The following SH3RF3 variants were observed in gnomAD, a reference collection of about 807,000 sequenced individuals.
The protein encoded by SH3RF3 is SH3 domain containing ring finger 3, also known as E3 ubiquitin-protein ligase SH3RF3.
In SH3RF3, 29 loss-of-function variants were observed where a neutral mutation model predicts 66.3. The ratio of observed to expected loss-of-function variants is 0.44; its 90% CI spans 0.33 to 0.60. SH3RF3 has a LOEUF of 0.60. Among genes scored for constraint, SH3RF3 ranks in the 20% least tolerant of loss-of-function variants. The pLI is 0.04. For missense variants in SH3RF3, 1,194 were observed against 1,190.9 expected (o/e 1.00, Z -0.04); for synonymous variants, 583 against 532.0 (o/e 1.10, Z -1.32).
At chr2:109,296,747 C>T (rs755907945) in intron 1 of SH3RF3, among the ~76,000 whole-genome samples, 4 of 152,106 alleles carry the variant, frequency 2.6e-5, no homozygotes, top group Non-Finnish European at 2.9e-5. Context: ...GCAGAGGATT[C>T]GCGTGGCCTG....
intron 1 of SH3RF3, among the ~76,000 whole-genome samples, chr2:109,193,610 G>C (rs537894028): frequency 3.3e-5 from 5 of 152,214 alleles, no homozygotes; most frequent in African/African-American, 9.6e-5. Context: ...ATAGTATTCT[G>C]TTGTATGGAT....
chr2:109,456,053 G>A (rs1030402266), intron 8 of SH3RF3, among the ~76,000 whole-genome samples: 3 of 152,236 alleles, frequency 2.0e-5, no homozygotes, highest in African/African-American at 4.8e-5. Context: ...ATCAGGTGCA[G>A]CCACAGTCTG....
At chr2:109,362,943 T>G (rs1683078160) in intron 2 of SH3RF3, among the ~76,000 whole-genome samples, 1 of 152,204 alleles carries the variant, frequency 6.6e-6, no homozygotes, top group African/African-American at 2.4e-5. Flanking sequence ...GTTAATCTGC[T>G]TGTGTGTGTA....
chr2:109,230,138 T>C (rs1679470690), intron 1 of SH3RF3, among the ~76,000 whole-genome samples: 1 of 152,150 alleles, frequency 6.6e-6, no homozygotes, highest in Non-Finnish European at 1.5e-5. Context: ...TTTTTTTTCT[T>C]CTTAAGGCAG....
At chr2:109,430,594 G>A (rs1180263732) in intron 5 of SH3RF3, among the ~76,000 whole-genome samples, 1 of 151,578 alleles carries the variant, frequency 6.6e-6, no homozygotes, top group Non-Finnish European at 1.5e-5. Context: ...CTCCCCTCCA[G>A]CTTCCCTGCA....
intron 9 of SH3RF3, among the ~76,000 whole-genome samples, chr2:109,499,161 G>A (rs1248709396): frequency 2.0e-5 from 3 of 152,082 alleles, no homozygotes; most frequent in African/African-American, 7.3e-5. Flanking sequence ...ACCCACAGGA[G>A]ACCTGCACGG....
At chr2:109,173,648 A>C (rs1265355646) in intron 1 of SH3RF3, among the ~76,000 whole-genome samples, 2 of 152,088 alleles carry the variant, frequency 1.3e-5, no homozygotes, top group Non-Finnish European at 2.9e-5. Flanking sequence ...GCTGAGACTC[A>C]TTAGACAGTG....
At chr2:109,302,613 C>T (rs957637991) in intron 1 of SH3RF3, among the ~76,000 whole-genome samples, 4 of 152,186 alleles carry the variant, frequency 2.6e-5, no homozygotes, top group Non-Finnish European at 4.4e-5. Flanking sequence ...TTCACTGCTG[C>T]GTAGGGGATT....
At chr2:109,381,173 C>G (rs1036172090) in intron 3 of SH3RF3, among the ~76,000 whole-genome samples, 1 of 152,228 alleles carries the variant, frequency 6.6e-6, no homozygotes, top group Non-Finnish European at 1.5e-5. Context: ...CTACTCAGGA[C>G]TGGAAGTGTG....
intron 1 of SH3RF3, among the ~76,000 whole-genome samples, chr2:109,145,908 C>A (rs948487910): frequency 3.3e-5 from 5 of 152,164 alleles, no homozygotes; most frequent in Non-Finnish European, 5.9e-5. Context: ...GCGTGGAGCC[C>A]TGGAGCCCGA....
intron 1 of SH3RF3, among the ~76,000 whole-genome samples, chr2:109,277,457 G>C (rs545264685): frequency 6.6e-6 from 1 of 152,168 alleles, no homozygotes; most frequent in Non-Finnish European, 1.5e-5. Context: ...AGTATCTCCC[G>C]TGAAGAGTCC....
chr2:109,468,645 G>A (rs1490299985), intron 8 of SH3RF3, among the ~76,000 whole-genome samples: 1 of 151,972 alleles, frequency 6.6e-6, no homozygotes, highest in Admixed American at 6.6e-5. Flanking sequence ...TTTGAGGTCA[G>A]GAGTTTGAGA....
rs183167439 is a variant in SH3RF3, at chr2:109,374,438, A to G, written c.945+2757A>G. On this transcript the variant is annotated intron_variant, in intron 3 of 9. Coordinates refer to ENST00000309415, the MANE Select transcript of SH3RF3 (RefSeq NM_001099289.3). ...TGACTGCTTGCACGCCACACACCAC[A>G]TGGATCCTGGTGGATCGGAAAGTCC... is the stretch of plus-strand genomic sequence containing the variant. Among the ~76,000 whole-genome samples, 40 of 152,256 alleles carry G rather than the reference A, an allele frequency of 2.6e-4. 1 individual carries two copies. In the East Asian group the frequency reaches 5.8e-3, roughly 22 times the overall value.
At chr2:109,230,248 A>G (rs1436398453) in intron 1 of SH3RF3, among the ~76,000 whole-genome samples, 2 of 151,972 alleles carry the variant, frequency 1.3e-5, no homozygotes, top group African/African-American at 4.8e-5. Context: ...TTTTGACTTT[A>G]TGATGGTGCA....
chr2:109,339,274 GT>G (rs893072598), intron 1 of SH3RF3, among the ~76,000 whole-genome samples: 4 of 130,560 alleles, frequency 3.1e-5, no homozygotes, highest in Non-Finnish European at 6.5e-5. Flanking sequence ...AGGGTCAGCT[GT>G]TTTTTGGGGG....
intron 3 of SH3RF3, among the ~76,000 whole-genome samples, chr2:109,387,740 G>C (rs3860482): frequency 6.6e-6 from 1 of 152,012 alleles, no homozygotes; most frequent in Non-Finnish European, 1.5e-5. Context: ...TCCTTGTCTG[G>C]GTATCTGGGA....
intron 6 of SH3RF3, among the ~76,000 whole-genome samples, chr2:109,435,451 C>A (rs1254145919): frequency 6.6e-6 from 1 of 152,242 alleles, no homozygotes; most frequent in Non-Finnish European, 1.5e-5. Context: ...GATCCACCAC[C>A]TGTGTTTGCC....
chr2:109,447,147 TAAA>T (rs61240132), intron 7 of SH3RF3, among the ~76,000 whole-genome samples: 1,465 of 82,698 alleles, frequency 0.018, 27 homozygotes, highest in African/African-American at 0.052. Flanking sequence ...CCTGAATATT[TAAA>T]AAAAAAAAAA....
intron 1 of SH3RF3, among the ~76,000 whole-genome samples, chr2:109,284,903 G>A (rs565553624): frequency 8.5e-5 from 13 of 152,350 alleles, no homozygotes; most frequent in African/African-American, 2.9e-4. Context: ...TCCACACTGG[G>A]CTCGTCTGCT....
Sources: gnomAD v4.1 joint callset for allele counts (sites outside exome capture counted in the v4.1 genomes callset) on GRCh38, gnomAD v4.1.1 for gene constraint, MANE v1.5 for transcripts, NCBI Gene and HGNC (gene_info 2026-07-23, HGNC 2026-07-21) for gene names.